NRDE2: variants seen among roughly 807,000 people sequenced by gnomAD.
NRDE2 encodes the protein NRDE-2, necessary for RNA interference, domain containing, also known as nuclear exosome regulator NRDE2.
In NRDE2, 76 loss-of-function variants were observed where a neutral mutation model predicts 124.2. The observed-to-expected ratio is 0.61, with a 90% CI of 0.51 to 0.74. The LOEUF (loss-of-function observed/expected upper bound fraction) is 0.74. Among genes scored for constraint, NRDE2 ranks in the 30% least tolerant of loss-of-function variants. The pLI, the probability that NRDE2 is intolerant of heterozygous loss-of-function variation, is 0.00. For missense variants in NRDE2, 1,314 were observed against 1,417.3 expected, an observed-to-expected ratio of 0.93 and a Z score of 1.17; for synonymous variants, 489 against 528.1, an observed-to-expected ratio of 0.93 and a Z score of 1.01.
chr14:90,272,543 A>G lies in NRDE2; in HGVS notation c.*5793T>C. Reference sequence around the variant, plus strand: ...CAAAACATCCTGTGTCTTTTGGAGTACGATGTGTAAGTGCCCATTGGGTGG... The same window carrying G: ...CAAAACATCCTGTGTCTTTTGGAGTGCGATGTGTAAGTGCCCATTGGGTGG... On this transcript the variant is annotated 3_prime_UTR_variant, in exon 14 of 14. Coordinates refer to ENST00000354366, the MANE Select transcript of NRDE2 (RefSeq NM_017970.4). The surrounding 1 kb of genome is among the most constrained non-coding windows in gnomAD (Gnocchi z 4.5). 1 of 607,302 alleles carries G rather than the reference A, an allele frequency of 1.6e-6. No individual in the cohort carries two copies. The highest frequency in any genetic ancestry group is 2.9e-6 in the Non-Finnish European group (1 of 341,952). The allele number at this position is 607,302 out of a possible 1,614,324, so 37.6% of individuals were successfully genotyped here.
At chr14:90,309,537 C>G (rs1000566151) in intron 4 of NRDE2, among the ~76,000 whole-genome samples, 1 of 151,324 alleles carries the variant, frequency 6.6e-6, no homozygotes, top group Non-Finnish European at 1.5e-5. Flanking sequence ...AATCAAATCA[C>G]GCCTCAATGC....
intron 11 of NRDE2, among the ~76,000 whole-genome samples, chr14:90,287,147 G>A (rs1170718592): frequency 6.8e-6 from 1 of 147,574 alleles, no homozygotes; most frequent in East Asian, 2.0e-4. Flanking sequence ...AATAGAGAAA[G>A]CAAGGCTCAC....
rs562101212 is a variant in NRDE2 at position 90,288,492 on chromosome 14, G to T, written c.2883C>A (p.Ile961=). The change falls in exon 11 of 14, where the codon ATC becomes ATA. Residue 961 remains isoleucine (I), a synonymous_variant. Coordinates refer to ENST00000354366, the MANE Select transcript of NRDE2 (RefSeq NM_017970.4). ...TCAGCAGGCTCGTGTGCATCAGTGT[G>T]ATGGCTTCGAGAACACTGGTCCAAC... The part of the protein sequence containing the change: ...SQSWTSVLEA[I]TLMHTSLLRF... 8.1e-5 allele frequency: 131 copies of T among 1,614,140 alleles called. No homozygotes were observed. The South Asian group carries it at 1.3e-3, about 16-fold the overall frequency.
chr14:90,307,198 T>C (rs1884637295), intron 4 of NRDE2, among the ~76,000 whole-genome samples: 1 of 152,228 alleles, frequency 6.6e-6, no homozygotes, highest in African/African-American at 2.4e-5. Flanking sequence ...CTTCCTACTT[T>C]AAAGCATCTC....
chr14:90,325,264 A>G (rs1432162287), intron 1 of NRDE2, among the ~76,000 whole-genome samples: 3 of 152,184 alleles, frequency 2.0e-5, no homozygotes, highest in Non-Finnish European at 2.9e-5. Context: ...TGAAGATTAA[A>G]TAAACTAATA....
chr14:90,294,000 C>T lies in NRDE2; in HGVS notation c.1667-1128G>A, dbSNP rs544050712. Among the ~76,000 whole-genome samples, 3 of 152,298 alleles carry T rather than the reference C, an allele frequency of 2.0e-5. No individual in the cohort carries two copies. In the East Asian group the frequency reaches 5.8e-4, roughly 29 times the overall value. On this transcript the variant is annotated intron_variant, in intron 8 of 13. Coordinates refer to ENST00000354366, the MANE Select transcript of NRDE2 (RefSeq NM_017970.4). The stretch of plus-strand genomic sequence containing the variant: ...ACACAAAAACCTATATGCTAATACT[C>T]AGAAGCAGCTTCATGCATAATCGCC...
chr14:90,271,853 G>T lies in NRDE2; in HGVS notation c.*6483C>A, dbSNP rs1357192024. The T allele has an allele frequency of 2.0e-5, 3 of 150,110 alleles. No homozygotes were observed. The highest frequency in any genetic ancestry group is 4.4e-5 in the Non-Finnish European group (3 of 67,860). The allele number at this position is 150,110 out of a possible 1,614,324, so 9.3% of individuals were successfully genotyped here. A position where few individuals can be genotyped will look rare whatever the true frequency, so the allele number is the denominator to read the frequency against. ...CAAATCTTTCCCAAATAAGCAATTT[G>T]TGTTTAGTCTAGGTGTCTCATGCTT... is the stretch of plus-strand genomic sequence containing the variant. On this transcript the variant is annotated 3_prime_UTR_variant, in exon 14 of 14. Transcript: ENST00000354366.
At chr14:90,302,369 C>CG (rs1566692101) in intron 6 of NRDE2, among the ~76,000 whole-genome samples, 1 of 152,190 alleles carries the variant, frequency 6.6e-6, no homozygotes. Context: ...GGGCATCTCA[C>CG]GGACATTACT....
At position 90,318,043 on chromosome 14, in the gene NRDE2, T is replaced by C. The variant is rs776875686; in HGVS notation, c.135A>G (p.Ala45=). ...ACCCTTCAGAAACATGGGCTGGAGCTGCTTCAGTTTGTTGGCTCAGGGACG... is the reference window on the plus strand; with the variant it reads ...ACCCTTCAGAAACATGGGCTGGAGCCGCTTCAGTTTGTTGGCTCAGGGACG... ...SITSLSQQTE[A]APAHVSEGLP... The change falls in exon 2 of 14, where the codon GCA becomes GCG. Residue 45 remains alanine (A), a synonymous_variant. Transcript: ENST00000354366. 12 of 1,614,204 alleles carry C rather than the reference T, an allele frequency of 7.4e-6. No individual in the cohort carries two copies. Among genetic ancestry groups the C allele is most frequent in the Non-Finnish European group, 1.0e-5 (12 of 1,180,026 alleles).
chr14:90,298,363 G>C lies in NRDE2; in HGVS notation c.1563C>G (p.Pro521=). 6.2e-7 allele frequency: 1 copy of C among 1,613,762 alleles called. No homozygotes were observed. Among genetic ancestry groups the C allele is most frequent in the Non-Finnish European group, 8.5e-7 (1 of 1,179,992 alleles). ...PTKGQVEFFE[P]FWDSGEPRAG... is the part of the protein sequence containing the mutation. ...CCCGGGGCTCTCCACTGTCCCAAAA[G>C]GGTTCAAAGAATTCCACCTGTTCAG... Residue 521 remains proline, a synonymous_variant, in exon 8 of 14, where the codon CCC becomes CCG. Coordinates refer to ENST00000354366, the MANE Select transcript of NRDE2 (RefSeq NM_017970.4).
In NRDE2 at chr14:90,327,783, A is replaced by C. The variant is rs10144500; in HGVS notation, c.64+4058T>G. 7.9e-3 allele frequency among the ~76,000 whole-genome samples: 1,204 copies of C among 152,266 alleles called. 13 individuals carry two copies. Among genetic ancestry groups the C allele is most frequent in the African/African-American group, 0.027 (1,129 of 41,560 alleles). ...GAGGCCAAGGCAGGTGGATCGCTTG[A>C]GGTCAGGAGTTCGAGACTAGCCTGG... is the stretch of plus-strand genomic sequence containing the variant. On this transcript the variant is annotated intron_variant, in intron 1 of 13. Transcript: ENST00000354366.
rs1182743213 is a variant in NRDE2, at chr14:90,275,589, CCA to C, written c.*2745_*2746del. On this transcript the variant is annotated 3_prime_UTR_variant, in exon 14 of 14. Transcript: ENST00000354366. The stretch of plus-strand genomic sequence containing the variant: ...ACTGCGCCCCACCCCAGCTGCTTCT[CCA>C]GTTTGCTTACTGACCAAAATGCTGA... 6.6e-6 allele frequency: 1 copy of C among 152,222 alleles called. No homozygotes were observed. Among genetic ancestry groups the C allele is most frequent in the Admixed American group, 6.5e-5 (1 of 15,282 alleles). The allele number at this position is 152,222 out of a possible 1,614,324, so 9.4% of individuals were successfully genotyped here. A position where few individuals can be genotyped will look rare whatever the true frequency, so the allele number is the denominator to read the frequency against.
At chr14:90,309,389 T>C (rs1884740262) in intron 4 of NRDE2, among the ~76,000 whole-genome samples, 1 of 150,588 alleles carries the variant, frequency 6.6e-6, no homozygotes, top group Non-Finnish European at 1.5e-5. Context: ...AGCAGAATTG[T>C]TTGAACCTGG....
Position 90,288,664 on chromosome 14 carries a change from A to AT in NRDE2, c.2710dup (p.Ile904AsnfsTer2). ...GAGCATGAAGCATTTAGCCAGGCTAATTAGGCGGCTACAGGAATCGGTGGG... is the reference window on the plus strand; with the variant it reads ...GAGCATGAAGCATTTAGCCAGGCTAATTTAGGCGGCTACAGGAATCGGTGGG... On this transcript the variant is annotated frameshift_variant, in exon 11 of 14. Transcript: ENST00000354366. LOFTEE classifies it high-confidence loss of function. 6.2e-7 allele frequency: 1 copy of AT among 1,614,204 alleles called. No homozygotes were observed. Among genetic ancestry groups the AT allele is most frequent in the African/African-American group, 1.3e-5 (1 of 75,074 alleles).
In NRDE2 at chr14:90,286,336, A is replaced by T. The variant is rs1475322559; in HGVS notation, c.3297+18T>A. Reference sequence around the variant, plus strand: ...GTAGAGCTCTGCATGAACACAAAACATCTCAATATTTTCTTACCAGAAAGT... The same window carrying T: ...GTAGAGCTCTGCATGAACACAAAACTTCTCAATATTTTCTTACCAGAAAGT... On this transcript the variant is annotated intron_variant, in intron 12 of 13. Coordinates refer to ENST00000354366, the MANE Select transcript of NRDE2 (RefSeq NM_017970.4). The T allele has an allele frequency of 1.4e-5, 23 of 1,609,626 alleles. No homozygotes were observed. The highest frequency in any genetic ancestry group is 2.7e-5 in the African/African-American group (2 of 74,752).
At position 90,276,669 on chromosome 14, in the gene NRDE2, G is replaced by A. The variant is rs1020817668; in HGVS notation, c.*1667C>T. ...TTCGAGCAGCCGCTTTATCCTCTCG[G>A]GGGCTCACTGCCCACTGCTAAGAGC... On this transcript the variant is annotated 3_prime_UTR_variant, in exon 14 of 14. Transcript: ENST00000354366. The A allele has an allele frequency of 9.9e-5, 15 of 152,134 alleles. No individual in the cohort carries two copies. Among genetic ancestry groups the A allele is most frequent in the Admixed American group, 3.3e-4 (5 of 15,282 alleles). 9.4% of individuals were successfully genotyped at this position (152,134 alleles called of 1,614,324 possible). A position where few individuals can be genotyped will look rare whatever the true frequency, so the allele number is the denominator to read the frequency against.
At chr14:90,317,946 G>A in intron 2 of NRDE2, 59 bp downstream of exon 2, 1 of 1,230,592 alleles carries the variant, frequency 8.1e-7, no homozygotes, top group African/African-American at 1.5e-5. Context: ...CTTCATTTCA[G>A]CTAAGCTATA....
At chr14:90,278,952 T>C in intron 13 of NRDE2, 110 bp downstream of exon 13, 2 of 775,732 alleles carry the variant, frequency 2.6e-6, no homozygotes, top group Non-Finnish European at 4.6e-6. Flanking sequence ...ATGGCGTCCA[T>C]GAGCCGAGCA....
In NRDE2 at chr14:90,273,898, C is replaced by CTTT. The variant is rs1891731440; in HGVS notation, c.*4435_*4437dup. The CTTT allele has an allele frequency of 6.5e-6, 1 of 154,942 alleles. No homozygotes were observed. The highest frequency in any genetic ancestry group is 1.5e-5 in the Non-Finnish European group (1 of 68,326). 9.6% of individuals were successfully genotyped at this position (154,942 alleles called of 1,614,324 possible). A position where few individuals can be genotyped will look rare whatever the true frequency, so the allele number is the denominator to read the frequency against. ...CCCACCGACCCTTCTTTCTGCCTGCCTTTTCTATTCTTATGGATCCTTGTG... is the reference window on the plus strand; with the variant it reads ...CCCACCGACCCTTCTTTCTGCCTGCCTTTTTTTCTATTCTTATGGATCCTTGTG... On this transcript the variant is annotated 3_prime_UTR_variant, in exon 14 of 14. Transcript: ENST00000354366.
Sources: gnomAD v4.1 joint callset for allele counts (sites outside exome capture counted in the v4.1 genomes callset) on GRCh38, gnomAD v4.1.1 for gene constraint, Gnocchi (gnomAD v3.1) non-coding constraint, MANE v1.5 for transcripts, NCBI Gene and HGNC (gene_info 2026-07-23, HGNC 2026-07-21) for gene names.